KIF24: variants seen among roughly 807,000 people sequenced by gnomAD.
The protein encoded by KIF24 is kinesin-like protein KIF24.
KIF24 carries 81 observed loss-of-function variants against 118.9 expected under a neutral mutation model. The observed-to-expected ratio is 0.68, with a 90% CI of 0.57 to 0.82. KIF24 has a LOEUF of 0.82. KIF24 is among the 40% of genes least tolerant of loss of function. The pLI is 0.00. For synonymous variants in KIF24, 599 were observed against 610.0 expected (o/e 0.98, Z 0.27); for missense variants, 1,560 against 1,661.6 (o/e 0.94, Z 1.06).
At chr9:34,279,868 A>G (rs1264274989) in intron 6 of KIF24, among the ~76,000 whole-genome samples, 1 of 152,222 alleles carries the variant, frequency 6.6e-6, no homozygotes, top group Non-Finnish European at 1.5e-5. Flanking sequence ...TTCCACCTTG[A>G]TCTCAGCTGG....
chr9:34,307,368 A>T (rs1230114828), intron 2 of KIF24, among the ~76,000 whole-genome samples: 2 of 151,238 alleles, frequency 1.3e-5, no homozygotes, highest in Non-Finnish European at 2.9e-5. Context: ...CTCAGCCTGG[A>T]GAATAATTTT....
chr9:34,318,477 C>T lies in KIF24; in HGVS notation c.-25-7106G>A. The T allele has an allele frequency of 1.3e-6, 1 of 793,716 alleles. No homozygotes were observed. Among genetic ancestry groups the T allele is most frequent in the Non-Finnish European group, 2.1e-6 (1 of 466,082 alleles). The allele number at this position is 793,716 out of a possible 1,614,324, so 49.2% of individuals were successfully genotyped here. ...TTGGCGACCGAGGTGAAGAAACCTG[C>T]AGCCACAGCAGCTCCTGGCACCGCA... On this transcript the variant is annotated intron_variant, in intron 1 of 12. Transcript: ENST00000402558. The surrounding 1 kb of genome is among the most constrained non-coding windows in gnomAD (Gnocchi z 4.9).
At chr9:34,319,426 A>G (rs773434844) in intron 1 of KIF24, 5 of 1,021,210 alleles carry the variant, frequency 4.9e-6, no homozygotes, top group African/African-American at 4.7e-5. Context: ...ATGCCACACA[A>G]GAAGGACCTG....
chr9:34,312,252 T>C (rs1165963613), intron 1 of KIF24, among the ~76,000 whole-genome samples: 2 of 152,176 alleles, frequency 1.3e-5, no homozygotes, highest in Non-Finnish European at 2.9e-5. Context: ...GCCCAGGAAA[T>C]TAATACTAAG....
rs1394439347 is a variant in KIF24, at chr9:34,318,225, G to A, written c.-25-6854C>T. Among the ~76,000 whole-genome samples the A allele has an allele frequency of 6.6e-6, 1 of 152,112 alleles. No homozygotes were observed. Among genetic ancestry groups the A allele is most frequent in the Non-Finnish European group, 1.5e-5 (1 of 68,022 alleles). ...AAAAGACATGAATAATGAACATATA[G>A]GTAACCCTCAGCTATAAGTTGTAAA... On this transcript the variant is annotated intron_variant, in intron 1 of 12. Transcript: ENST00000402558. The surrounding 1 kb of genome is among the most constrained non-coding windows in gnomAD (Gnocchi z 4.9).
At chr9:34,265,815 T>A (rs1192675026) in intron 8 of KIF24, among the ~76,000 whole-genome samples, 1 of 152,148 alleles carries the variant, frequency 6.6e-6, no homozygotes, top group East Asian at 1.9e-4. Flanking sequence ...AATAAACATT[T>A]AAATAAATTA....
chr9:34,259,509 A>G (rs1350018124), intron 10 of KIF24, 87 bp downstream of exon 10: 30 of 924,554 alleles, frequency 3.2e-5, no homozygotes, highest in Non-Finnish European at 1.7e-6. Context: ...GCACACACAC[A>G]CGCGTGCACA....
chr9:34,265,012 T>TAAG (rs1039252495), intron 8 of KIF24, among the ~76,000 whole-genome samples: 1 of 152,094 alleles, frequency 6.6e-6, no homozygotes, highest in Admixed American at 6.6e-5. Context: ...GCATTTTTTC[T>TAAG]AAGAAAAGGG....
intron 10 of KIF24, among the ~76,000 whole-genome samples, chr9:34,259,223 C>G (rs1023159186): frequency 2.0e-5 from 3 of 152,228 alleles, no homozygotes; most frequent in South Asian, 2.1e-4. Context: ...AGTAATATGT[C>G]TTCTATCTCT....
intron 8 of KIF24, 76 bp from the exon 9 acceptor site, chr9:34,263,248 G>T: frequency 9.5e-7 from 1 of 1,054,376 alleles, no homozygotes. Context: ...GCCTCCACAG[G>T]AAGCTTGTTT....
intron 1 of KIF24, chr9:34,319,587 A>G (rs1837448910): frequency 2.0e-6 from 2 of 1,006,678 alleles, no homozygotes; most frequent in Non-Finnish European, 3.2e-6. Context: ...GGACACCCAG[A>G]GCGGCTCCCT....
In KIF24 at chr9:34,253,594, G is replaced by C. The variant is rs569655069; in HGVS notation, c.*786C>G. The C allele has an allele frequency of 1.3e-5, 2 of 152,444 alleles. No homozygotes were observed. The highest frequency in any genetic ancestry group is 3.8e-4 in the East Asian group (2 of 5,196). The allele number at this position is 152,444 out of a possible 1,614,324, so 9.4% of individuals were successfully genotyped here. ...GGGGGCTGGGTAGTGAGGTGTCCCA[G>C]ATAGGAGCCAGGAGCTGCCATGGAA... is the stretch of plus-strand genomic sequence containing the variant. On this transcript the variant is annotated 3_prime_UTR_variant, in exon 13 of 13. Coordinates refer to ENST00000402558, the MANE Select transcript of KIF24 (RefSeq NM_194313.4).
At position 34,256,742 on chromosome 9, in the gene KIF24, G is replaced by A. The variant is rs752400377; in HGVS notation, c.2865C>T (p.Gly955=). 2 of 1,613,970 alleles carry A rather than the reference G, an allele frequency of 1.2e-6. No individual in the cohort carries two copies. The highest frequency in any genetic ancestry group is 1.7e-6 in the Non-Finnish European group (2 of 1,179,892). Residue 955 remains glycine (G), a synonymous_variant, in exon 11 of 13, where the codon GGC becomes GGT. Transcript: ENST00000402558. ...CATCCTTTCTGAGATCAAAGGAAGAGCCTCCACCTCTTTCCTGTCTATATA... is the reference window on the plus strand; with the variant it reads ...CATCCTTTCTGAGATCAAAGGAAGAACCTCCACCTCTTTCCTGTCTATATA... ...DFIYRQERGG[G]SSFDLRKDAS...
In KIF24 at chr9:34,257,647, A is replaced by C; in HGVS notation, c.1960T>G (p.Ser654Ala). The C allele has an allele frequency of 1.2e-6, 2 of 1,614,042 alleles. No individual in the cohort carries two copies. The highest frequency in any genetic ancestry group is 1.7e-6 in the Non-Finnish European group (2 of 1,179,894). The change falls in exon 11 of 13, where the codon TCT becomes GCT. Residue 654 changes from serine to alanine, a missense_variant. Around this residue, in one of 3 missense-constraint regions of KIF24, gnomAD observed 964 missense variants for 988.0 expected, o/e 0.98. Coordinates refer to ENST00000402558, the MANE Select transcript of KIF24 (RefSeq NM_194313.4). ...GGCTTTTTTTTGGCCACATGTCCAG[A>C]GCGCACAGTTCCTTTCACAGGGCTA... The part of the protein sequence containing the change: ...HASPVKGTVR[S>A]GHVAKKKPEE...
At position 34,286,713 on chromosome 9, in the gene KIF24, G is replaced by C. The variant is rs182531259; in HGVS notation, c.1128-9C>G. The C allele has an allele frequency of 9.4e-6, 15 of 1,598,980 alleles. No individual in the cohort carries two copies. The highest frequency in any genetic ancestry group is 1.7e-5 in the Admixed American group (1 of 59,988). On this transcript the variant is annotated splice_polypyrimidine_tract_variant and intron_variant, in intron 5 of 12. Coordinates refer to ENST00000402558, the MANE Select transcript of KIF24 (RefSeq NM_194313.4). ...CTTCTCTTGCAAAGAGCCTGCAGAT[G>C]CAAGAAAGTGGTTGGTATGATGGTG...
At chr9:34,271,748 T>G in intron 7 of KIF24, 61 bp downstream of exon 7, 1 of 1,581,236 alleles carries the variant, frequency 6.3e-7, no homozygotes, top group Non-Finnish European at 8.6e-7. Flanking sequence ...TGAGAAAACA[T>G]ACTTCAAAGT....
intron 8 of KIF24, among the ~76,000 whole-genome samples, chr9:34,266,838 G>T (rs1398851366): frequency 3.9e-5 from 6 of 152,132 alleles, no homozygotes; most frequent in African/African-American, 1.4e-4. Context: ...AACGAGTAGG[G>T]TTGTACCAAA....
At chr9:34,328,061 T>C (rs1234621999) in intron 1 of KIF24, among the ~76,000 whole-genome samples, 1 of 152,142 alleles carries the variant, frequency 6.6e-6, no homozygotes, top group Non-Finnish European at 1.5e-5. Flanking sequence ...CAGTGAGCTA[T>C]GAATTTGATA....
intron 5 of KIF24, among the ~76,000 whole-genome samples, chr9:34,287,844 T>C (rs929749568): frequency 1.3e-5 from 2 of 150,602 alleles, no homozygotes; most frequent in African/African-American, 4.9e-5. Flanking sequence ...TGTAGTACGC[T>C]ATGATTGCGC....
Sources: gnomAD v4.1 joint callset for allele counts (sites outside exome capture counted in the v4.1 genomes callset) on GRCh38, gnomAD v4.1.1 for gene constraint, gnomAD v4.1.1 regional missense constraint, Gnocchi (gnomAD v3.1) non-coding constraint, MANE v1.5 for transcripts, NCBI Gene and HGNC (gene_info 2026-07-23, HGNC 2026-07-21) for gene names.